RBFOX2: variants seen among roughly 807,000 people sequenced by gnomAD.
RBFOX2 encodes the protein RNA binding protein fox-1 homolog 2.
RBFOX2 carries 10 observed loss-of-function variants against 49.1 expected under a neutral mutation model. The ratio of observed to expected loss-of-function variants is 0.20; its 90% CI spans 0.13 to 0.35. The LOEUF (loss-of-function observed/expected upper bound fraction) is 0.35. Ranked by LOEUF, RBFOX2 falls within the 10% of genes least tolerant of loss-of-function variation. The pLI is 1.00. For missense variants in RBFOX2, 323 were observed against 486.9 expected (o/e 0.66, Z 3.17); for synonymous variants, 183 against 187.4 (o/e 0.98, Z 0.19).
chr22:35,797,856 T>C (rs1949056470), intron 2 of RBFOX2, among the ~76,000 whole-genome samples: 1 of 152,218 alleles, frequency 6.6e-6, no homozygotes, highest in African/African-American at 2.4e-5. Flanking sequence ...TGCAATGTCC[T>C]CTACTTCACT....
chr22:36,028,251 C>T, exon 1 of RBFOX2: 1 of 1,528,606 alleles, frequency 6.5e-7, no homozygotes, highest in Non-Finnish European at 8.7e-7. Flanking sequence ...TGCATCCCGC[C>T]GCCACCGTCG....
intron 1 of RBFOX2, among the ~76,000 whole-genome samples, chr22:35,927,636 A>G (rs1042037131): frequency 6.6e-6 from 1 of 151,826 alleles, no homozygotes; most frequent in Admixed American, 6.6e-5. Context: ...AGCAGAAGAA[A>G]TATGTTACTA....
chr22:35,924,607 A>C (rs1217064142), intron 1 of RBFOX2, among the ~76,000 whole-genome samples: 1 of 152,222 alleles, frequency 6.6e-6, no homozygotes, highest in Non-Finnish European at 1.5e-5. Context: ...ATAAAAACCT[A>C]GTGAAAGTCT....
intron 2 of RBFOX2, among the ~76,000 whole-genome samples, chr22:35,802,774 A>G (rs753597900): frequency 5.9e-5 from 9 of 152,170 alleles, no homozygotes; most frequent in Non-Finnish European, 1.3e-4. Flanking sequence ...CTGGAAAGAA[A>G]AGAGTCACAA....
upstream of RBFOX2, among the ~76,000 whole-genome samples, chr22:35,965,665 T>C (rs1377177377): frequency 1.3e-5 from 2 of 152,192 alleles, no homozygotes; most frequent in Non-Finnish European, 2.9e-5. Flanking sequence ...CTGTGGCTGT[T>C]TGAAACAGCA....
intron 2 of RBFOX2, among the ~76,000 whole-genome samples, chr22:35,805,295 A>G (rs1233123292): frequency 5.3e-5 from 8 of 149,628 alleles, no homozygotes; most frequent in African/African-American, 1.9e-4. Context: ...GTCTCAAAAA[A>G]AAAAAAAAAA....
intron 1 of RBFOX2, among the ~76,000 whole-genome samples, chr22:35,892,835 A>G (rs2047406120): frequency 6.6e-6 from 1 of 152,242 alleles, no homozygotes. Flanking sequence ...ACTGAGTCTC[A>G]GAATAGTTAT....
At chr22:35,865,859 T>TC (rs1279938273) in intron 1 of RBFOX2, among the ~76,000 whole-genome samples, 6 of 152,196 alleles carry the variant, frequency 3.9e-5, no homozygotes, top group Non-Finnish European at 5.9e-5. Context: ...GTTGTGTTGT[T>TC]CTTTAGCTAA....
intron 1 of RBFOX2, among the ~76,000 whole-genome samples, chr22:35,827,278 T>C (rs1020651350): frequency 2.0e-5 from 3 of 152,128 alleles, no homozygotes; most frequent in African/African-American, 7.2e-5. Flanking sequence ...AGTGAAAAAA[T>C]AGTACTTTGA....
chr22:36,025,340 C>T (rs957835737), intron 1 of RBFOX2, among the ~76,000 whole-genome samples: 2 of 152,202 alleles, frequency 1.3e-5, no homozygotes, highest in Non-Finnish European at 2.9e-5. Context: ...CACTCATAGG[C>T]CATCTATCTT....
rs577958064 is a variant in RBFOX2, at chr22:35,978,667, G to A, written c.187-39770C>T. Among the ~76,000 whole-genome samples the A allele has an allele frequency of 3.3e-5, 5 of 152,266 alleles. No individual in the cohort carries two copies. In the South Asian group the frequency reaches 1.0e-3, roughly 32 times the overall value. ...AACCAGCATAAAGCAGGTCCCACTG[G>A]CTAAACTTTCAAGCTCCCTCAAGCT... On this transcript the variant is annotated intron_variant, in intron 1 of 13. Transcript: ENST00000438146.
At chr22:35,882,991 G>A (rs2046116126) in intron 1 of RBFOX2, among the ~76,000 whole-genome samples, 1 of 152,126 alleles carries the variant, frequency 6.6e-6, no homozygotes, top group African/African-American at 2.4e-5. Context: ...AAATTGGGGG[G>A]CACAAAAGAG....
intron 10 of RBFOX2, 72 bp from the exon 13 acceptor site, chr22:35,746,067 G>T: frequency 1.5e-6 from 2 of 1,313,524 alleles, no homozygotes; most frequent in Non-Finnish European, 1.1e-6. Flanking sequence ...GGATTACTGT[G>T]CTTTAAGACT....
chr22:35,849,110 T>G (rs1315291359), intron 1 of RBFOX2, among the ~76,000 whole-genome samples: 1 of 152,184 alleles, frequency 6.6e-6, no homozygotes, highest in African/African-American at 2.4e-5. Flanking sequence ...ATAGTCTTAG[T>G]GGGGAAAGAT....
intron 1 of RBFOX2, among the ~76,000 whole-genome samples, chr22:35,868,896 C>T (rs1034399398): frequency 1.3e-5 from 2 of 152,190 alleles, no homozygotes; most frequent in Non-Finnish European, 2.9e-5. Context: ...ACCTATCTTT[C>T]CTTGGCAAAC....
exon 1 of RBFOX2, chr22:36,028,469 C>G: frequency 8.7e-7 from 1 of 1,152,338 alleles, no homozygotes; most frequent in Non-Finnish European, 1.1e-6. Context: ...CGACCCGCGA[C>G]AGGCCACCTC....
At chr22:35,782,985 C>T (rs1945525293) in intron 2 of RBFOX2, among the ~76,000 whole-genome samples, 1 of 152,178 alleles carries the variant, frequency 6.6e-6, no homozygotes, top group South Asian at 2.1e-4. Flanking sequence ...AGGACAGCTA[C>T]TGTATGTGCC....
exon 1 of RBFOX2, chr22:36,028,319 C>G: frequency 6.6e-7 from 1 of 1,512,458 alleles, no homozygotes; most frequent in Non-Finnish European, 8.8e-7. Context: ...TCCGTCTCCT[C>G]CCGCTCCGGG....
chr22:35,864,205 G>A (rs2043414539), intron 1 of RBFOX2, among the ~76,000 whole-genome samples: 1 of 151,990 alleles, frequency 6.6e-6, no homozygotes, highest in Admixed American at 6.6e-5. Context: ...AATAAAGCCA[G>A]TTTTATTTTA....
Sources: gnomAD v4.1 joint callset for allele counts (sites outside exome capture counted in the v4.1 genomes callset) on GRCh38, gnomAD v4.1.1 for gene constraint, MANE v1.5 for transcripts, NCBI Gene and HGNC (gene_info 2026-07-23, HGNC 2026-07-21) for gene names.